Variants in RNF180 observed in about 807,000 individuals in gnomAD.
The protein encoded by RNF180 is E3 ubiquitin-protein ligase RNF180.
Under a neutral mutation model 59.2 loss-of-function variants are expected in RNF180, and 38 were observed. That is an observed-to-expected ratio of 0.64 (90% CI 0.50 to 0.84). The LOEUF is 0.84. RNF180 is among the 40% of genes least tolerant of loss of function. RNF180 has a pLI of 0.00. For synonymous variants in RNF180, 262 were observed against 240.3 expected (o/e 1.09, Z -0.84); for missense variants, 705 against 700.9 (o/e 1.01, Z -0.07).
At chr5:64,310,501 T>A (rs1267568408) in intron 5 of RNF180, among the ~76,000 whole-genome samples, 1 of 150,194 alleles carries the variant, frequency 6.7e-6, no homozygotes, top group Non-Finnish European at 1.5e-5. Context: ...TTGTTATGAC[T>A]GCAAAATACT....
At chr5:64,202,761 G>C (rs1158516366) in intron 2 of RNF180, among the ~76,000 whole-genome samples, 3 of 152,104 alleles carry the variant, frequency 2.0e-5, no homozygotes, top group Non-Finnish European at 4.4e-5. Flanking sequence ...TGCTGGTTAG[G>C]AACTGTTTTA....
intron 7 of RNF180, among the ~76,000 whole-genome samples, chr5:64,353,500 A>T (rs1229928168): frequency 6.6e-6 from 1 of 151,790 alleles, no homozygotes; most frequent in Non-Finnish European, 1.5e-5. Flanking sequence ...TAATATATGT[A>T]TTCTGGAAAC....
chr5:64,243,332 T>G (rs1742909103), intron 5 of RNF180, among the ~76,000 whole-genome samples: 1 of 152,208 alleles, frequency 6.6e-6, no homozygotes, highest in East Asian at 1.9e-4. Flanking sequence ...TAAGATTCAC[T>G]GGCTCAAAAT....
intron 5 of RNF180, among the ~76,000 whole-genome samples, chr5:64,243,970 C>G (rs1016324025): frequency 1.3e-5 from 2 of 152,156 alleles, no homozygotes; most frequent in Non-Finnish European, 2.9e-5. Flanking sequence ...GGACCTCCAG[C>G]AAACTCCAGC....
chr5:64,359,411 T>C (rs1746156960), intron 7 of RNF180, among the ~76,000 whole-genome samples: 3 of 151,962 alleles, frequency 2.0e-5, no homozygotes, highest in African/African-American at 7.3e-5. Context: ...TTTCATGTGT[T>C]TTTTGGCTGC....
chr5:64,351,690 A>G (rs948502288), intron 7 of RNF180, among the ~76,000 whole-genome samples: 4 of 151,672 alleles, frequency 2.6e-5, no homozygotes, highest in African/African-American at 9.7e-5. Flanking sequence ...GGTTCTGTTT[A>G]TATGCTGGAT....
chr5:64,173,963 C>T (rs879273404), intron 1 of RNF180, among the ~76,000 whole-genome samples: 1 of 152,156 alleles, frequency 6.6e-6, no homozygotes, highest in African/African-American at 2.4e-5. Flanking sequence ...ATCCACCTGC[C>T]TTGGCCTCCC....
intron 5 of RNF180, among the ~76,000 whole-genome samples, chr5:64,267,324 T>G (rs1238896956): frequency 6.6e-6 from 1 of 152,128 alleles, no homozygotes; most frequent in Non-Finnish European, 1.5e-5. Flanking sequence ...AAAGTTTTTT[T>G]TTCACTTTGA....
rs138739983 is a variant in RNF180, at chr5:64,327,455, G to A, written c.1453+2044G>A. 8.2e-4 allele frequency among the ~76,000 whole-genome samples: 124 copies of A among 152,100 alleles called. 1 individual carries two copies. The highest frequency in any genetic ancestry group is 1.3e-4 in the Non-Finnish European group (9 of 67,948). ...TGCCTCTTAATACTGCTTTTGCTGT[G>A]TCCTGTAGCTTTTGGCGTATTATAT... is the stretch of plus-strand genomic sequence containing the variant. On this transcript the variant is annotated intron_variant, in intron 6 of 7. Coordinates refer to ENST00000389100, the MANE Select transcript of RNF180 (RefSeq NM_001113561.2).
chr5:64,214,382 C>G lies in RNF180; in HGVS notation c.1056C>G (p.Leu352=), dbSNP rs1357069056. 3.1e-6 allele frequency: 5 copies of G among 1,614,084 alleles called. No homozygotes were observed. The highest frequency in any genetic ancestry group is 3.4e-6 in the Non-Finnish European group (4 of 1,180,004). The change falls in exon 4 of 8, where the codon CTC becomes CTG. Residue 352 remains leucine (L), a synonymous_variant. Transcript: ENST00000389100. ...AGGCCTCAGACCAGGAAGAGCACCT[C>G]TCCCCTCTGGACTTCCTGCACTCAG... The part of the protein sequence containing the change: ...MPEASDQEEH[L]SPLDFLHSAN...
intron 5 of RNF180, among the ~76,000 whole-genome samples, chr5:64,247,037 A>G (rs1465257532): frequency 6.6e-6 from 1 of 152,190 alleles, no homozygotes; most frequent in Non-Finnish European, 1.5e-5. Context: ...GATGCAGAAA[A>G]GGCCTTCAGT....
intron 7 of RNF180, among the ~76,000 whole-genome samples, chr5:64,360,129 G>T (rs1371055724): frequency 6.6e-6 from 1 of 151,860 alleles, no homozygotes; most frequent in African/African-American, 2.4e-5. Context: ...CTCTTTTTTG[G>T]TTCCATATGA....
chr5:64,359,626 G>C (rs1201469492), intron 7 of RNF180, among the ~76,000 whole-genome samples: 1 of 151,564 alleles, frequency 6.6e-6, no homozygotes, highest in Admixed American at 6.6e-5. Context: ...CTGTGCAGAA[G>C]CTCTTTAGTT....
chr5:64,359,187 C>G (rs1286739603), intron 7 of RNF180, among the ~76,000 whole-genome samples: 6 of 151,480 alleles, frequency 4.0e-5, no homozygotes, highest in Non-Finnish European at 8.8e-5. Flanking sequence ...ATTTCCAGTT[C>G]TGGATCCCTG....
intron 5 of RNF180, among the ~76,000 whole-genome samples, chr5:64,283,684 C>T (rs1470784954): frequency 6.6e-6 from 1 of 152,122 alleles, no homozygotes; most frequent in African/African-American, 2.4e-5. Context: ...CTTCCTACCA[C>T]CTTGTGATGA....
chr5:64,345,987 AT>A (rs139053855), intron 7 of RNF180, among the ~76,000 whole-genome samples: 5 of 151,220 alleles, frequency 3.3e-5, no homozygotes, highest in Admixed American at 6.6e-5. Context: ...GCAATCATTG[AT>A]TTTTTTTTAG....
chr5:64,362,529 A>T (rs1746298302), intron 7 of RNF180, among the ~76,000 whole-genome samples: 1 of 151,860 alleles, frequency 6.6e-6, no homozygotes, highest in Admixed American at 6.6e-5. Context: ...TGCTATTGTG[A>T]ATAGTGCTGC....
intron 7 of RNF180, among the ~76,000 whole-genome samples, chr5:64,367,161 A>T (rs1746484168): frequency 6.6e-6 from 1 of 151,628 alleles, no homozygotes; most frequent in South Asian, 2.1e-4. Context: ...TTTCCAGACA[A>T]GGAAATGCTG....
intron 1 of RNF180, among the ~76,000 whole-genome samples, chr5:64,200,400 A>T (rs541963367): frequency 6.2e-4 from 95 of 152,324 alleles, no homozygotes; most frequent in Admixed American, 1.4e-3. Context: ...GGCTATAGTG[A>T]GCTATGATTG....
Sources: gnomAD v4.1 joint callset for allele counts (sites outside exome capture counted in the v4.1 genomes callset) on GRCh38, gnomAD v4.1.1 for gene constraint, MANE v1.5 for transcripts, NCBI Gene and HGNC (gene_info 2026-07-23, HGNC 2026-07-21) for gene names.